Variants in SEMA7A observed in about 807,000 individuals in gnomAD.
The protein encoded by SEMA7A is semaphorin-7A.
SEMA7A carries 21 observed loss-of-function variants against 67.5 expected under a neutral mutation model. The observed-to-expected ratio is 0.31, with a 90% CI of 0.22 to 0.45. The LOEUF (loss-of-function observed/expected upper bound fraction) is 0.45, where lower values mean the gene tolerates loss of function less well. SEMA7A is among the 20% of genes least tolerant of loss of function. The pLI, the probability that SEMA7A is intolerant of heterozygous loss-of-function variation, is 1.00. For synonymous variants in SEMA7A, 364 were observed against 368.5 expected (o/e 0.99, Z 0.14); for missense variants, 774 against 908.6 (o/e 0.85, Z 1.90).
In SEMA7A at chr15:74,423,622, T is replaced by C. The variant is rs1023505897; in HGVS notation, c.179-4670A>G. Among the ~76,000 whole-genome samples, 5 of 152,160 alleles carry C rather than the reference T, an allele frequency of 3.3e-5. No homozygotes were observed. Among genetic ancestry groups the C allele is most frequent in the African/African-American group, 1.2e-4 (5 of 41,436 alleles). On this transcript the variant is annotated intron_variant, in intron 1 of 13. Coordinates refer to ENST00000261918, the MANE Select transcript of SEMA7A (RefSeq NM_003612.5). This position sits in a 1 kb window ranked among gnomAD's most constrained non-coding sequence, Gnocchi z 4.1. The stretch of plus-strand genomic sequence containing the variant: ...CTCACTAGGTGCCGAGTCACTAACC[T>C]GATAACTAAAGGGAATCACCCGCCC...
At chr15:74,420,741 C>G (rs1258834608) in intron 1 of SEMA7A, among the ~76,000 whole-genome samples, 2 of 152,192 alleles carry the variant, frequency 1.3e-5, no homozygotes, top group East Asian at 3.8e-4. Context: ...CCACCCGCAG[C>G]CCAAACTGCA....
At chr15:74,416,772 C>G in intron 6 of SEMA7A, 58 bp from the exon 7 acceptor site, 1 of 1,582,838 alleles carries the variant, frequency 6.3e-7, no homozygotes, top group Non-Finnish European at 8.6e-7. Context: ...GGAGACCATC[C>G]CAACCCTGCA....
intron 10 of SEMA7A, among the ~76,000 whole-genome samples, chr15:74,412,899 C>G (rs2060913965): frequency 6.6e-6 from 1 of 152,118 alleles, no homozygotes; most frequent in African/African-American, 2.4e-5. Context: ...GGTCTTATAA[C>G]CGAGCTGCCT....
chr15:74,433,683 G>A (rs1016853628), intron 1 of SEMA7A, 58 bp downstream of exon 1: 3 of 1,370,066 alleles, frequency 2.2e-6, no homozygotes, highest in African/African-American at 3.1e-5. Context: ...AGCACACTCC[G>A]CACCCGCCCC....
chr15:74,433,517 G>A, intron 1 of SEMA7A: 22 of 1,184,140 alleles, frequency 1.9e-5, no homozygotes, highest in Non-Finnish European at 2.3e-5. Context: ...CGGGGCTCCG[G>A]CCCCCGCCGC....
Position 74,414,252 on chromosome 15 carries a change from G to A in SEMA7A, c.1294+295C>T, listed in dbSNP as rs2060926238. On this transcript the variant is annotated intron_variant, in intron 10 of 13. Transcript: ENST00000261918. The surrounding 1 kb of genome is among the most constrained non-coding windows in gnomAD (Gnocchi z 4.1). ...CTCTTCCTACCATCTTCTTCCCTGA[G>A]TCAGACATCTGGACCAAAGGTGCAC... Among the ~76,000 whole-genome samples the A allele has an allele frequency of 6.6e-6, 1 of 152,116 alleles. No homozygotes were observed. The highest frequency in any genetic ancestry group is 2.4e-5 in the African/African-American group (1 of 41,418).
Position 74,416,581 on chromosome 15 carries a change from C to T in SEMA7A, c.795G>A (p.Leu265=). ...APLNVSRVAQ[L]CRGDQGGESS... is the part of the protein sequence containing the mutation. ...CCCTCACGCCCCTGCTCACCCTGCA[C>T]AACTGGGCCACACGGGACACATTGA... The change falls in exon 7 of 14, where the codon TTG becomes TTA. Residue 265 remains leucine, a synonymous_variant. Transcript: ENST00000261918. The T allele has an allele frequency of 3.1e-6, 5 of 1,613,968 alleles. No individual in the cohort carries two copies. The highest frequency in any genetic ancestry group is 4.2e-6 in the Non-Finnish European group (5 of 1,179,892).
intron 1 of SEMA7A, among the ~76,000 whole-genome samples, chr15:74,424,033 T>C (rs924187414): frequency 1.3e-5 from 2 of 152,108 alleles, no homozygotes; most frequent in Non-Finnish European, 2.9e-5. Context: ...GAAGTCTAAC[T>C]TGTTTATGAG....
rs117568548 is a variant in SEMA7A at position 74,425,049 on chromosome 15, T to C, written c.179-6097A>G. Reference sequence around the variant, plus strand: ...AACAGAAGGTTCCCCAGTCTTAGCCTTAGCCTGAACCAGCAGGGGAGACTG... The same window carrying C: ...AACAGAAGGTTCCCCAGTCTTAGCCCTAGCCTGAACCAGCAGGGGAGACTG... On this transcript the variant is annotated intron_variant, in intron 1 of 13. Transcript: ENST00000261918. Among the ~76,000 whole-genome samples the C allele has an allele frequency of 3.2e-4, 49 of 152,238 alleles. 1 individual carries two copies. In the East Asian group the frequency reaches 9.5e-3, roughly 29 times the overall value.
At chr15:74,418,999 G>A (rs770476647) in intron 1 of SEMA7A, 47 bp from the exon 2 acceptor site, 246 of 1,593,772 alleles carry the variant, frequency 1.5e-4, no homozygotes, top group Non-Finnish European at 1.9e-4. Flanking sequence ...GGTCCCGAGA[G>A]AGAAGACTCT....
chr15:74,415,195 G>A (rs919915738), intron 8 of SEMA7A, among the ~76,000 whole-genome samples: 9 of 152,188 alleles, frequency 5.9e-5, no homozygotes, highest in Non-Finnish European at 1.2e-4. Flanking sequence ...CAAGGCAGGA[G>A]GAACCCCATC....
chr15:74,415,034 T>G, intron 8 of SEMA7A, 88 bp from the exon 9 acceptor site: 1 of 1,059,836 alleles, frequency 9.4e-7, no homozygotes, highest in Non-Finnish European at 1.4e-6. Context: ...TGCCTGGCAC[T>G]GAGTTGCCAA....
At chr15:74,431,748 G>C (rs898237141) in intron 1 of SEMA7A, among the ~76,000 whole-genome samples, 3 of 152,276 alleles carry the variant, frequency 2.0e-5, no homozygotes, top group Non-Finnish European at 4.4e-5. Context: ...ACCATCACCA[G>C]CTGGTGGCCC....
chr15:74,427,673 T>C (rs1025454094), intron 1 of SEMA7A, among the ~76,000 whole-genome samples: 4 of 152,130 alleles, frequency 2.6e-5, no homozygotes, highest in African/African-American at 7.2e-5. Flanking sequence ...CCCCACCCTA[T>C]GCTCCTGCCC....
intron 1 of SEMA7A, chr15:74,427,304 G>C (rs2061051779): frequency 1.0e-6 from 1 of 985,298 alleles, no homozygotes; most frequent in Non-Finnish European, 1.2e-6. Context: ...TCAGACAGTG[G>C]AGAGAAGCAA....
Position 74,411,915 on chromosome 15 carries a change from G to T in SEMA7A, c.1392C>A (p.Ala464=). Residue 464 remains alanine, a synonymous_variant, in exon 11 of 14, where the codon GCC becomes GCA. Transcript: ENST00000261918. The surrounding 1 kb of genome is among the most constrained non-coding windows in gnomAD (Gnocchi z 4.4). ...CAGCATCCAGCGACATGGTCTGGAT[G>T]GCAGCCGCGCGGCGGAAGGGCTGGA... ...MEIQPFRRAA[A]IQTMSLDAER... 6.2e-7 allele frequency: 1 copy of T among 1,614,020 alleles called. No individual in the cohort carries two copies. Among genetic ancestry groups the T allele is most frequent in the South Asian group, 1.1e-5 (1 of 91,068 alleles).
intron 1 of SEMA7A, among the ~76,000 whole-genome samples, chr15:74,419,614 C>G (rs28362904): frequency 6.6e-6 from 1 of 152,328 alleles, no homozygotes; most frequent in African/African-American, 2.4e-5. Flanking sequence ...AAGGGAGGGG[C>G]AGCCCAAGGG....
At position 74,418,293 on chromosome 15, in the gene SEMA7A, G is replaced by C; in HGVS notation, c.347C>G (p.Thr116Arg). ...ASVRTVNIGS[T>R]KGSCLDKRDC... ...CCGCTTATCCAGACAGGACCCCTTTGTGGAGCCGATATTCACCTGGGGGAA... is the reference window on the plus strand; with the variant it reads ...CCGCTTATCCAGACAGGACCCCTTTCTGGAGCCGATATTCACCTGGGGGAA... Residue 116 changes from threonine (T) to arginine (R), a missense_variant, in exon 3 of 14, where the codon ACA becomes AGA. Physicochemically the swap from Thr to Arg is moderately conservative, Grantham distance 71 (BLOSUM62 -1). Transcript: ENST00000261918. 1 of 1,611,726 alleles carries C rather than the reference G, an allele frequency of 6.2e-7. No homozygotes were observed. The highest frequency in any genetic ancestry group is 1.1e-5 in the South Asian group (1 of 90,682).
At chr15:74,418,039 AC>A in intron 3 of SEMA7A, 70 bp from the exon 4 acceptor site, 4 of 1,527,868 alleles carry the variant, frequency 2.6e-6, no homozygotes, top group Non-Finnish European at 3.6e-6. Flanking sequence ...TAGCACTAGG[AC>A]CCCCAGGATC....
Sources: gnomAD v4.1 joint callset for allele counts (sites outside exome capture counted in the v4.1 genomes callset) on GRCh38, gnomAD v4.1.1 for gene constraint, Gnocchi (gnomAD v3.1) non-coding constraint, MANE v1.5 for transcripts, NCBI Gene and HGNC (gene_info 2026-07-23, HGNC 2026-07-21) for gene names.